The following ANXA7 variants were observed in gnomAD, a reference collection of about 807,000 sequenced individuals.
ANXA7 encodes annexin VII.
Under a neutral mutation model 64.9 loss-of-function variants are expected in ANXA7, and 55 were observed. The ratio of observed to expected loss-of-function variants is 0.85; its 90% confidence interval spans 0.68 to 1.06. ANXA7 has a LOEUF of 1.06. Among genes scored for constraint, ANXA7 ranks in the 50% least tolerant of loss-of-function variants. ANXA7 has a pLI of 0.00. For synonymous variants in ANXA7, 200 were observed against 192.4 expected (o/e 1.04, Z -0.33); for missense variants, 548 against 582.1 (o/e 0.94, Z 0.60).
chr10:73,398,359 G>A lies in ANXA7; in HGVS notation c.81C>T (p.Pro27=). 6.2e-7 allele frequency: 1 copy of A among 1,613,696 alleles called. No homozygotes were observed. Among genetic ancestry groups the A allele is most frequent in the South Asian group, 1.1e-5 (1 of 91,060 alleles). Residue 27 remains proline, a synonymous_variant, in exon 3 of 13, where the codon CCC becomes CCT. Transcript: ENST00000372921. ...YPPAGQESSF[P]PSGQYPYPSG... is the part of the protein sequence containing the mutation. ...TAGGATAAGGATACTGACCAGAAGGGGGAAAAGATGACTCCTGACCTGCAG... is the reference window on the plus strand; with the variant it reads ...TAGGATAAGGATACTGACCAGAAGGAGGAAAAGATGACTCCTGACCTGCAG...
At chr10:73,413,944 AGAGCTGGCC>A (rs1381855477) in intron 1 of ANXA7, 59 bp downstream of exon 1, 1 of 152,666 alleles carries the variant, frequency 6.6e-6, no homozygotes, top group African/African-American at 2.4e-5. Flanking sequence ...AGCAGCGCCC[AGAGCTGGCC>A]GAGGGCAAGA....
At chr10:73,394,821 G>A (rs1421700097) in intron 5 of ANXA7, among the ~76,000 whole-genome samples, 6 of 152,106 alleles carry the variant, frequency 3.9e-5, no homozygotes, top group African/African-American at 1.4e-4. Flanking sequence ...TAACAAACTT[G>A]CACGTTGTGC....
intron 1 of ANXA7, among the ~76,000 whole-genome samples, chr10:73,413,097 AAG>A (rs1221689655): frequency 6.6e-6 from 1 of 152,156 alleles, no homozygotes; most frequent in Admixed American, 6.5e-5. Context: ...GATGTGGAGA[AAG>A]AACATGGAGG....
chr10:73,388,301 G>T lies in ANXA7; in HGVS notation c.538+11C>A. The T allele has an allele frequency of 6.2e-7, 1 of 1,601,998 alleles. No individual in the cohort carries two copies. The highest frequency in any genetic ancestry group is 1.3e-5 in the African/African-American group (1 of 74,744). The stretch of plus-strand genomic sequence containing the variant: ...AACTTATTAAAAAAGACAAAAATTT[G>T]TTTTCCTTACCAAAACCCTTCATTG... On this transcript the variant is annotated intron_variant, in intron 6 of 12. Transcript: ENST00000372921.
intron 5 of ANXA7, among the ~76,000 whole-genome samples, chr10:73,394,347 C>A (rs570110488): frequency 1.2e-3 from 179 of 152,252 alleles, no homozygotes; most frequent in African/African-American, 4.3e-3. Flanking sequence ...TTGACCCAGC[C>A]ATCCCATTAC....
chr10:73,389,931 A>T (rs1564525999), intron 5 of ANXA7, among the ~76,000 whole-genome samples: 1 of 152,130 alleles, frequency 6.6e-6, no homozygotes, highest in Non-Finnish European at 1.5e-5. Context: ...ATAATTCAAG[A>T]AGTTTCTTAG....
intron 6 of ANXA7, among the ~76,000 whole-genome samples, 176 bp downstream of exon 6, chr10:73,388,136 C>A (rs923625489): frequency 1.3e-5 from 2 of 152,092 alleles, no homozygotes; most frequent in Admixed American, 6.6e-5. Flanking sequence ...TGTAAGCCAC[C>A]ACACCCAGCC....
chr10:73,383,136 T>C, intron 9 of ANXA7, 39 bp downstream of exon 9: 1 of 1,538,070 alleles, frequency 6.5e-7, no homozygotes, highest in Non-Finnish European at 8.8e-7. Context: ...TTAAAGTATG[T>C]TCCCTCTATC....
At chr10:73,406,221 G>T (rs2055756853) in intron 1 of ANXA7, among the ~76,000 whole-genome samples, 1 of 152,202 alleles carries the variant, frequency 6.6e-6, no homozygotes, top group Non-Finnish European at 1.5e-5. Flanking sequence ...CTCCCAAGGT[G>T]CTGGGATCGC....
intron 12 of ANXA7, among the ~76,000 whole-genome samples, chr10:73,377,042 T>C (rs948069671): frequency 6.6e-6 from 1 of 152,162 alleles, no homozygotes; most frequent in Admixed American, 6.5e-5. Flanking sequence ...TTAAGGAGTA[T>C]GGATTTTCAG....
At chr10:73,394,321 G>A (rs1376552869) in intron 5 of ANXA7, among the ~76,000 whole-genome samples, 2 of 152,178 alleles carry the variant, frequency 1.3e-5, no homozygotes, top group African/African-American at 4.8e-5. Context: ...CAAGGATCTA[G>A]AACTAGAAAC....
chr10:73,391,273 C>T (rs545962982), intron 5 of ANXA7, among the ~76,000 whole-genome samples: 140 of 151,372 alleles, frequency 9.2e-4, no homozygotes, highest in African/African-American at 3.1e-3. Flanking sequence ...CCAACCTTTG[C>T]TATTCTTCTT....
At position 73,383,220 on chromosome 10, in the gene ANXA7, T is replaced by C; in HGVS notation, c.873A>G (p.Ser291=). The C allele has an allele frequency of 6.2e-7, 1 of 1,614,126 alleles. No homozygotes were observed. The highest frequency in any genetic ancestry group is 8.5e-7 in the Non-Finnish European group (1 of 1,179,996). Residue 291 remains serine (S), a synonymous_variant, in exon 9 of 13, where the codon TCA becomes TCG. Transcript: ENST00000372921. ...AACGTTCAAAATGTCCTGATGTATCTGACCTAATGTCCTTTTCAAGGTCTC... is the reference window on the plus strand; with the variant it reads ...AACGTTCAAAATGTCCTGATGTATCCGACCTAATGTCCTTTTCAAGGTCTC... ...FGRDLEKDIR[S]DTSGHFERLL...
intron 2 of ANXA7, 101 bp from the exon 3 acceptor site, chr10:73,398,486 T>C (rs183940754): frequency 9.4e-7 from 1 of 1,065,964 alleles, no homozygotes; most frequent in East Asian, 2.6e-5. Flanking sequence ...GTCTACCTCA[T>C]TCTTTTACTT....
intron 1 of ANXA7, among the ~76,000 whole-genome samples, chr10:73,412,547 G>C (rs1194882546): frequency 6.6e-6 from 1 of 150,600 alleles, no homozygotes; most frequent in Non-Finnish European, 1.5e-5. Flanking sequence ...CCAGGCTGGA[G>C]TGCAGTGGCG....
chr10:73,411,051 C>T (rs1265037570), intron 1 of ANXA7, among the ~76,000 whole-genome samples: 2 of 152,120 alleles, frequency 1.3e-5, no homozygotes, highest in African/African-American at 2.4e-5. Flanking sequence ...AATCTAAGTG[C>T]CCATCAACTG....
At chr10:73,404,887 C>T (rs1245121373) in intron 1 of ANXA7, among the ~76,000 whole-genome samples, 1 of 152,074 alleles carries the variant, frequency 6.6e-6, no homozygotes, top group Non-Finnish European at 1.5e-5. Context: ...TGGAAGCCAA[C>T]GCAGGTGGAT....
In ANXA7 at chr10:73,398,165, G is replaced by T. The variant is rs376019589; in HGVS notation, c.259+16C>A. The T allele has an allele frequency of 2.8e-4, 455 of 1,597,894 alleles. No homozygotes were observed. The highest frequency in any genetic ancestry group is 3.4e-4 in the Admixed American group (20 of 58,530). On this transcript the variant is annotated intron_variant, in intron 3 of 12. Transcript: ENST00000372921. ...AGCAATCCCAATCATTACTAATTCC[G>T]CAACCCGTAACTCACCTCCGGGATA...
chr10:73,401,437 T>TGCCATACAATTTTTGTCAC (rs1157055038), intron 1 of ANXA7, among the ~76,000 whole-genome samples: 1 of 152,200 alleles, frequency 6.6e-6, no homozygotes, highest in Non-Finnish European at 1.5e-5. Flanking sequence ...AACTTTGTCA[T>TGCCATACAATTTTTGTCAC]GCCATACAAT....
Sources: allele counts gnomAD v4.1 joint callset (sites outside exome capture counted in the v4.1 genomes callset), GRCh38; gene constraint gnomAD v4.1.1; transcripts MANE v1.5; gene names NCBI Gene and HGNC (gene_info 2026-07-23, HGNC 2026-07-21).